The following MACROD2 variants were observed in gnomAD, a reference collection of about 807,000 sequenced individuals.
MACROD2 encodes the protein ADP-ribose glycohydrolase MACROD2.
Under a neutral mutation model 70.4 loss-of-function variants are expected in MACROD2, and 36 were observed. The observed-to-expected ratio is 0.51, with a 90% CI of 0.39 to 0.68. The LOEUF (loss-of-function observed/expected upper bound fraction) is 0.68, where lower values mean the gene tolerates loss of function less well. Among genes scored for constraint, MACROD2 ranks in the 30% least tolerant of loss-of-function variants. The probability of loss-of-function intolerance (pLI) is 0.00; values close to 1 mark genes in which losing one functional copy is unlikely to be tolerated. For synonymous variants in MACROD2, 172 were observed against 178.8 expected (o/e 0.96, Z 0.30); for missense variants, 496 against 538.4 (o/e 0.92, Z 0.78).
At chr20:15,632,623 A>G (rs2049307615) in intron 8 of MACROD2, among the ~76,000 whole-genome samples, 1 of 152,224 alleles carries the variant, frequency 6.6e-6, no homozygotes, top group Non-Finnish European at 1.5e-5. Flanking sequence ...CAGAGGAAGA[A>G]TGGGTTGTAG....
intron 3 of MACROD2, among the ~76,000 whole-genome samples, chr20:14,334,659 G>C (rs1033261785): frequency 6.6e-6 from 1 of 151,844 alleles, no homozygotes; most frequent in Non-Finnish European, 1.5e-5. Context: ...GGCAAAAGGT[G>C]GGGGGTGGGA....
chr20:15,454,453 A>ACACACACC (rs1454301030), intron 7 of MACROD2, among the ~76,000 whole-genome samples: 33 of 131,782 alleles, frequency 2.5e-4, no homozygotes, highest in African/African-American at 8.9e-4. Flanking sequence ...ACACACACAC[A>ACACACACC]CCCTTATTAT....
At chr20:15,592,262 T>C (rs893694760) in intron 8 of MACROD2, among the ~76,000 whole-genome samples, 12 of 152,266 alleles carry the variant, frequency 7.9e-5, no homozygotes, top group African/African-American at 2.7e-4. Context: ...ACATAGTCAC[T>C]GCTCAATAAA....
At chr20:14,754,296 A>G (rs939646103) in intron 5 of MACROD2, among the ~76,000 whole-genome samples, 19 of 152,152 alleles carry the variant, frequency 1.2e-4, no homozygotes, top group African/African-American at 4.1e-4. Context: ...GAAAACATCT[A>G]TACAGATCTA....
At chr20:14,272,230 A>C (rs1315419224) in intron 3 of MACROD2, among the ~76,000 whole-genome samples, 1 of 152,172 alleles carries the variant, frequency 6.6e-6, no homozygotes, top group African/African-American at 2.4e-5. Context: ...AAAAATGTTA[A>C]AGGCAGCCAG....
chr20:14,116,161 G>A (rs1268636666), intron 3 of MACROD2, among the ~76,000 whole-genome samples: 7 of 152,148 alleles, frequency 4.6e-5, no homozygotes, highest in African/African-American at 1.7e-4. Flanking sequence ...TCTGTCAAAC[G>A]GAGGCCTCCA....
At chr20:15,683,990 C>T (rs1194025108) in intron 8 of MACROD2, among the ~76,000 whole-genome samples, 2 of 152,138 alleles carry the variant, frequency 1.3e-5, no homozygotes, top group East Asian at 3.8e-4. Flanking sequence ...CTTCCTACCA[C>T]CCAAATGACA....
chr20:14,108,148 G>GT (rs752798169), intron 3 of MACROD2, among the ~76,000 whole-genome samples: 1 of 151,228 alleles, frequency 6.6e-6, no homozygotes. Context: ...GTAGTTATTA[G>GT]TTTTTTTTTC....
chr20:14,692,704 A>G (rs770407135), intron 5 of MACROD2, among the ~76,000 whole-genome samples: 3 of 152,200 alleles, frequency 2.0e-5, no homozygotes, highest in Non-Finnish European at 4.4e-5. Flanking sequence ...TGCTTTTAGC[A>G]TCTCTGTTAT....
intron 3 of MACROD2, among the ~76,000 whole-genome samples, chr20:14,215,325 T>C (rs2081610116): frequency 7.3e-6 from 1 of 137,742 alleles, no homozygotes; most frequent in South Asian, 2.3e-4. Flanking sequence ...TATATATCTA[T>C]GCCATCATAT....
At chr20:14,744,868 A>G (rs918624188) in intron 5 of MACROD2, among the ~76,000 whole-genome samples, 2 of 152,194 alleles carry the variant, frequency 1.3e-5, no homozygotes, top group Non-Finnish European at 2.9e-5. Context: ...AAACTGGTAC[A>G]GACTGGAAGA....
chr20:15,517,923 C>T (rs1468044031), intron 8 of MACROD2, among the ~76,000 whole-genome samples: 1 of 152,242 alleles, frequency 6.6e-6, no homozygotes, highest in African/African-American at 2.4e-5. Flanking sequence ...TTGCCCAACC[C>T]TGCTGCCTCT....
At position 14,668,111 on chromosome 20, in the gene MACROD2, A is replaced by C. The variant is rs191136423; in HGVS notation, c.302-16732A>C. 3.9e-5 allele frequency among the ~76,000 whole-genome samples: 6 copies of C among 151,912 alleles called. No individual in the cohort carries two copies. In the East Asian group the frequency reaches 1.2e-3, roughly 29 times the overall value. ...TGAGGCTGCAGTGAGCTATGATTGC[A>C]CCACTACACTTTAGCCTGGGCAACA... is the stretch of plus-strand genomic sequence containing the variant. On this transcript the variant is annotated intron_variant, in intron 4 of 17. Coordinates refer to ENST00000684519, the MANE Select transcript of MACROD2 (RefSeq NM_001351661.2).
At chr20:14,521,768 ACT>A (rs1201625589) in intron 4 of MACROD2, among the ~76,000 whole-genome samples, 4 of 152,118 alleles carry the variant, frequency 2.6e-5, no homozygotes, top group African/African-American at 9.7e-5. Context: ...CCTGGTTGTC[ACT>A]CTGTTAGCCA....
intron 15 of MACROD2, among the ~76,000 whole-genome samples, chr20:16,039,428 A>C (rs1043247877): frequency 3.3e-5 from 5 of 151,860 alleles, no homozygotes; most frequent in African/African-American, 1.2e-4. Flanking sequence ...CTCCATTTTT[A>C]AAAGGCCTTA....
At chr20:14,064,026 C>G (rs926755841) in intron 2 of MACROD2, among the ~76,000 whole-genome samples, 1 of 152,180 alleles carries the variant, frequency 6.6e-6, no homozygotes, top group Non-Finnish European at 1.5e-5. Context: ...TGAGCCTGTC[C>G]TGTCCGAAGC....
At chr20:16,043,643 G>A (rs1183501719) in intron 16 of MACROD2, among the ~76,000 whole-genome samples, 1 of 152,030 alleles carries the variant, frequency 6.6e-6, no homozygotes, top group Non-Finnish European at 1.5e-5. Context: ...AAAAGCACAC[G>A]TTTTATCACA....
intron 5 of MACROD2, among the ~76,000 whole-genome samples, chr20:15,142,984 G>A (rs2076203646): frequency 6.6e-6 from 1 of 152,098 alleles, no homozygotes. Flanking sequence ...GTGTGCATGT[G>A]TCTTTATAGC....
intron 6 of MACROD2, among the ~76,000 whole-genome samples, chr20:15,245,498 T>C (rs1259482491): frequency 6.6e-6 from 1 of 152,214 alleles, no homozygotes; most frequent in Non-Finnish European, 1.5e-5. Flanking sequence ...TTGACAAATT[T>C]GGCTTAAATA....
Sources: allele counts gnomAD v4.1 joint callset (sites outside exome capture counted in the v4.1 genomes callset), GRCh38; gene constraint gnomAD v4.1.1; transcripts MANE v1.5; gene names NCBI Gene and HGNC (gene_info 2026-07-23, HGNC 2026-07-21).